TRIM66: variants seen among roughly 807,000 people sequenced by gnomAD.
The protein encoded by TRIM66 is tripartite motif-containing protein 66.
A neutral mutation model predicts 148.2 loss-of-function variants in TRIM66; 99 were observed. The ratio of observed to expected loss-of-function variants is 0.67; its 90% CI spans 0.57 to 0.79. TRIM66 has a LOEUF of 0.79. Among genes scored for constraint, TRIM66 ranks in the 30% least tolerant of loss-of-function variants. The pLI is 0.00. For missense variants in TRIM66, 1,666 were observed against 1,697.9 expected, an observed-to-expected ratio of 0.98 and a Z score of 0.33; for synonymous variants, 616 against 635.9, an observed-to-expected ratio of 0.97 and a Z score of 0.47.
At chr11:8,659,922 G>C (rs1271181698) in intron 6 of TRIM66, among the ~76,000 whole-genome samples, 1 of 152,100 alleles carries the variant, frequency 6.6e-6, no homozygotes, top group African/African-American at 2.4e-5. Context: ...CTGTCACCCA[G>C]GCTGGAGTGT....
intron 15 of TRIM66, among the ~76,000 whole-genome samples, chr11:8,629,643 C>G (rs949042096): frequency 6.6e-6 from 1 of 152,210 alleles, no homozygotes; most frequent in African/African-American, 2.4e-5. Context: ...GACATGCAGA[C>G]TGAGCTGTGG....
intron 15 of TRIM66, among the ~76,000 whole-genome samples, chr11:8,629,950 A>G (rs980499186): frequency 1.3e-5 from 2 of 152,214 alleles, no homozygotes; most frequent in African/African-American, 4.8e-5. Flanking sequence ...TGCAGACACA[A>G]TGGCATTTCT....
At chr11:8,682,482 T>G (rs1565588449) in intron 1 of TRIM66, 119 bp downstream of exon 1, 1 of 441,102 alleles carries the variant, frequency 2.3e-6, no homozygotes, top group Non-Finnish European at 4.1e-6. Context: ...GGCGGTTCCC[T>G]GACCAAGGCG....
intron 15 of TRIM66, among the ~76,000 whole-genome samples, chr11:8,634,050 C>T (rs1424708971): frequency 4.6e-5 from 7 of 152,164 alleles, no homozygotes; most frequent in African/African-American, 1.7e-4. Flanking sequence ...CTGGTGGCCT[C>T]GAAGTCCTCT....
Position 8,677,543 on chromosome 11 carries a change from G to T in TRIM66, c.-190+2077C>A, listed in dbSNP as rs186693847. 3.4e-3 allele frequency among the ~76,000 whole-genome samples: 525 copies of T among 152,204 alleles called. 3 individuals are homozygous for T. The highest frequency in any genetic ancestry group is 0.017 in the Middle Eastern group (5 of 294). Reference sequence around the variant, plus strand: ...CCTGTAATCCCAGTGCTTTGGGAGGGCGAGGTAGGAGGGCTGCTTGAGGCT... The same window carrying T: ...CCTGTAATCCCAGTGCTTTGGGAGGTCGAGGTAGGAGGGCTGCTTGAGGCT... On this transcript the variant is annotated intron_variant, in intron 3 of 24. Transcript: ENST00000646038.
chr11:8,659,564 C>T (rs1214957242), intron 6 of TRIM66, among the ~76,000 whole-genome samples: 2 of 152,132 alleles, frequency 1.3e-5, no homozygotes, highest in South Asian at 2.1e-4. Context: ...TCTCTGGCAT[C>T]CTTGCCCTCT....
chr11:8,663,324 G>C (rs902287805), intron 6 of TRIM66: 2 of 152,088 alleles, frequency 1.3e-5, no homozygotes, highest in Non-Finnish European at 2.9e-5. Context: ...CTTATTCATG[G>C]GGGCTACTTT....
At chr11:8,680,811 C>G in intron 1 of TRIM66, 1 of 152,196 alleles carries the variant, frequency 6.6e-6, no homozygotes, top group Admixed American at 6.5e-5. Context: ...CATCAACATT[C>G]AAATGGTGGA....
rs1041248652 is a variant in TRIM66 at position 8,674,790 on chromosome 11, G to A, written c.-112+16C>T. 3.9e-5 allele frequency: 6 copies of A among 152,128 alleles called. No individual in the cohort carries two copies. Among genetic ancestry groups the A allele is most frequent in the Non-Finnish European group, 7.3e-5 (5 of 68,034 alleles). The allele number at this position is 152,128 out of a possible 1,614,324, so 9.4% of individuals were successfully genotyped here. A position where few individuals can be genotyped will look rare whatever the true frequency, so the allele number is the denominator to read the frequency against. ...TTTAACATCTGGCTTAATAAAAGAC[G>A]GCTGGACTCCCATACCTGTTTCTGC... is the stretch of plus-strand genomic sequence containing the variant. On this transcript the variant is annotated intron_variant, in intron 4 of 24. Coordinates refer to ENST00000646038, the MANE Select transcript of TRIM66 (RefSeq NM_001388022.1).
At chr11:8,635,709 C>G (rs1487424428) in intron 15 of TRIM66, among the ~76,000 whole-genome samples, 1 of 152,198 alleles carries the variant, frequency 6.6e-6, no homozygotes, top group African/African-American at 2.4e-5. Context: ...GGGGCAGAAG[C>G]AGCTCAAAAT....
chr11:8,649,956 G>T, intron 7 of TRIM66, 69 bp from the exon 8 acceptor site: 1 of 1,505,822 alleles, frequency 6.6e-7, no homozygotes. Context: ...AGTGGTAAAT[G>T]CTCTAAAGAC....
At chr11:8,640,181 T>A (rs944637284) in intron 14 of TRIM66, 46 bp downstream of exon 14, 1 of 1,519,090 alleles carries the variant, frequency 6.6e-7, no homozygotes, top group African/African-American at 1.4e-5. Context: ...CCCTGAGTGA[T>A]CCTACGATGG....
intron 4 of TRIM66, 27 bp from the exon 5 acceptor site, chr11:8,672,412 G>A (rs2038980913): frequency 6.7e-6 from 10 of 1,483,734 alleles, no homozygotes; most frequent in South Asian, 5.4e-5. Context: ...GAAAAAGGAA[G>A]AAAATTGCAT....
At chr11:8,682,904 C>G (rs139071920), upstream of TRIM66, 4,677 of 1,483,446 alleles carry the variant, frequency 3.2e-3, 18 homozygotes, top group Middle Eastern at 0.015. Context: ...CACTCCCTAC[C>G]ATGGTCGGGG....
chr11:8,646,004 G>A, intron 11 of TRIM66, 117 bp from the exon 12 acceptor site: 1 of 1,002,722 alleles, frequency 1.0e-6, no homozygotes, highest in Non-Finnish European at 1.5e-6. Context: ...CTACACCCCT[G>A]AGAGGACAGC....
chr11:8,682,464 T>C (rs1384101511), intron 1 of TRIM66, 137 bp downstream of exon 1: 6 of 375,506 alleles, frequency 1.6e-5, no homozygotes, highest in African/African-American at 2.2e-5. Context: ...GCCCTTAGGG[T>C]CGGCTTAGGC....
At chr11:8,662,984 G>T (rs535266030) in intron 6 of TRIM66, 2 of 152,280 alleles carry the variant, frequency 1.3e-5, no homozygotes, top group Admixed American at 1.3e-4. Flanking sequence ...ATTTGACCTG[G>T]GACCATTCTT....
At chr11:8,631,872 T>C (rs898034721) in intron 15 of TRIM66, among the ~76,000 whole-genome samples, 1 of 152,210 alleles carries the variant, frequency 6.6e-6, no homozygotes, top group Non-Finnish European at 1.5e-5. Context: ...TTCCAAAGCT[T>C]TGCCTCATCA....
chr11:8,621,758 C>A lies in TRIM66; in HGVS notation c.3142G>T (p.Ala1048Ser). The A allele has an allele frequency of 6.4e-7, 1 of 1,551,480 alleles. No individual in the cohort carries two copies. Among genetic ancestry groups the A allele is most frequent in the South Asian group, 1.2e-5 (1 of 84,034 alleles). Reference sequence around the variant, plus strand: ...AACACAGGCATCTCTCCTGAGGAGGCAGCACAGATCTTGAGTCGCTCCAGT... The same window carrying A: ...AACACAGGCATCTCTCCTGAGGAGGAAGCACAGATCTTGAGTCGCTCCAGT... ...VRLERLKICAASSGEMPVFKL... is the reference protein window; with the variant it reads ...VRLERLKICASSSGEMPVFKL... The change falls in exon 19 of 25, where the codon GCC (alanine) becomes TCC (serine). Residue 1048 changes from alanine to serine, a missense_variant. Physicochemically the swap from Ala to Ser is moderately conservative, Grantham distance 99. Coordinates refer to ENST00000646038, the MANE Select transcript of TRIM66 (RefSeq NM_001388022.1).
Sources: gnomAD v4.1 joint callset for allele counts (sites outside exome capture counted in the v4.1 genomes callset) on GRCh38, gnomAD v4.1.1 for gene constraint, MANE v1.5 for transcripts, NCBI Gene and HGNC (gene_info 2026-07-23, HGNC 2026-07-21) for gene names.